C13orf42: variants seen among roughly 807,000 people sequenced by gnomAD.
The protein encoded by C13orf42 is chromosome 13 open reading frame 42.
At chr13:51,120,091 T>C (rs17075371) in intron 1 of C13orf42, among the ~76,000 whole-genome samples, 5,377 of 152,270 alleles carry the variant, frequency 0.035, 96 homozygotes, top group Non-Finnish European at 0.046. Context: ...TCAATAATAG[T>C]TGCCATTGTT....
At chr13:51,164,438 G>A (rs564307376) in intron 1 of C13orf42, among the ~76,000 whole-genome samples, 1 of 152,296 alleles carries the variant, frequency 6.6e-6, no homozygotes, top group Non-Finnish European at 1.5e-5. Context: ...GACGCGGGAG[G>A]ATCACTGGAA....
intron 1 of C13orf42, among the ~76,000 whole-genome samples, chr13:51,092,760 G>C (rs926678388): frequency 6.6e-6 from 1 of 152,020 alleles, no homozygotes; most frequent in African/African-American, 2.4e-5. Flanking sequence ...CATTCAACTT[G>C]TGAAGCTGAG....
intron 1 of C13orf42, among the ~76,000 whole-genome samples, chr13:51,163,339 G>A (rs1953880939): frequency 6.6e-6 from 1 of 152,074 alleles, no homozygotes; most frequent in Non-Finnish European, 1.5e-5. Context: ...TCTGTTACAT[G>A]ATATTTCATC....
At chr13:51,139,272 G>A (rs1319186163) in intron 1 of C13orf42, among the ~76,000 whole-genome samples, 4 of 152,070 alleles carry the variant, frequency 2.6e-5, no homozygotes, top group Non-Finnish European at 4.4e-5. Context: ...CCAAGATCAC[G>A]CCACTGTACT....
At chr13:51,108,904 T>C (rs971239460) in intron 1 of C13orf42, among the ~76,000 whole-genome samples, 7 of 152,226 alleles carry the variant, frequency 4.6e-5, no homozygotes, top group African/African-American at 1.7e-4. Flanking sequence ...CTAGAACTGG[T>C]CATTCTGCTT....
chr13:51,172,314 C>T (rs1222104853), exon 1 of C13orf42: 1 of 152,078 alleles, frequency 6.6e-6, no homozygotes, highest in South Asian at 2.1e-4. Flanking sequence ...GACTCCTTCC[C>T]AGATCTTCTC....
At chr13:51,141,723 G>C (rs910592966) in intron 1 of C13orf42, among the ~76,000 whole-genome samples, 2 of 151,762 alleles carry the variant, frequency 1.3e-5, no homozygotes, top group Admixed American at 1.3e-4. Flanking sequence ...GCTTGAACCT[G>C]GGGGGCAGAG....
At chr13:51,123,171 G>A (rs1049918728) in intron 1 of C13orf42, among the ~76,000 whole-genome samples, 1 of 152,182 alleles carries the variant, frequency 6.6e-6, no homozygotes, top group South Asian at 2.1e-4. Flanking sequence ...ACTGCTCATG[G>A]TTCTCACTCT....
At chr13:51,124,959 T>C (rs1187177981) in intron 1 of C13orf42, among the ~76,000 whole-genome samples, 1 of 152,164 alleles carries the variant, frequency 6.6e-6, no homozygotes, top group Non-Finnish European at 1.5e-5. Flanking sequence ...AATTTTTTTT[T>C]CCTTTTGGTC....
chr13:51,088,104 G>T (rs1413381053), intron 1 of C13orf42, 29 bp from the exon 2 acceptor site: 3 of 398,608 alleles, frequency 7.5e-6, no homozygotes, highest in Non-Finnish European at 1.3e-5. Context: ...AGAAGAGAGA[G>T]TTGCCTGAGC....
At chr13:51,149,511 C>T (rs1410549977) in intron 1 of C13orf42, among the ~76,000 whole-genome samples, 1 of 152,092 alleles carries the variant, frequency 6.6e-6, no homozygotes, top group African/African-American at 2.4e-5. Flanking sequence ...CCCTTTGAGA[C>T]AGCCAGAAGC....
At chr13:51,094,461 G>A (rs1030078412) in intron 1 of C13orf42, among the ~76,000 whole-genome samples, 1 of 152,048 alleles carries the variant, frequency 6.6e-6, no homozygotes, top group Non-Finnish European at 1.5e-5. Flanking sequence ...TTTTAATTAT[G>A]TTGTAAACAC....
chr13:51,144,568 G>A (rs184174222), intron 1 of C13orf42, among the ~76,000 whole-genome samples: 11 of 125,120 alleles, frequency 8.8e-5, no homozygotes, highest in African/African-American at 3.1e-4. Flanking sequence ...GGCTTTGACT[G>A]GAATGATGTG....
intron 1 of C13orf42, among the ~76,000 whole-genome samples, chr13:51,124,949 A>C (rs181714279): frequency 8.0e-5 from 12 of 150,402 alleles, no homozygotes; most frequent in Non-Finnish European, 1.8e-4. Context: ...GGGTTAAATG[A>C]ATTTTTTTTT....
At chr13:51,094,611 T>C (rs762859117) in intron 1 of C13orf42, among the ~76,000 whole-genome samples, 9 of 152,152 alleles carry the variant, frequency 5.9e-5, no homozygotes, top group Non-Finnish European at 1.0e-4. Context: ...TTCTATCTGG[T>C]ACCACATTTA....
At chr13:51,113,938 C>G (rs1953460448), upstream of C13orf42, among the ~76,000 whole-genome samples, 1 of 152,252 alleles carries the variant, frequency 6.6e-6, no homozygotes, top group Admixed American at 6.5e-5. Flanking sequence ...TTTCCTCTTC[C>G]TGGTGGTGTC....
At chr13:51,159,981 G>A (rs1210575468) in intron 1 of C13orf42, among the ~76,000 whole-genome samples, 5 of 152,174 alleles carry the variant, frequency 3.3e-5, no homozygotes, top group Non-Finnish European at 5.9e-5. Flanking sequence ...AGCAAAAGCA[G>A]AAACCCCTGA....
chr13:51,146,717 C>CCTATT (rs1953739071), intron 1 of C13orf42, among the ~76,000 whole-genome samples: 1 of 152,170 alleles, frequency 6.6e-6, no homozygotes, highest in Non-Finnish European at 1.5e-5. Flanking sequence ...ATTAGCTCTT[C>CCTATT]CAAAGGAGGC....
chr13:51,109,089 G>A (rs1435533727), intron 1 of C13orf42, among the ~76,000 whole-genome samples: 1 of 152,218 alleles, frequency 6.6e-6, no homozygotes, highest in Non-Finnish European at 1.5e-5. Flanking sequence ...TGTCATCAGA[G>A]GTGGCTGGCC....
Sources: gnomAD v4.1 joint callset for allele counts (sites outside exome capture counted in the v4.1 genomes callset) on GRCh38, gnomAD v4.1.1 for gene constraint, MANE v1.5 for transcripts, NCBI Gene and HGNC (gene_info 2026-07-23, HGNC 2026-07-21) for gene names.